ZNF148: variants seen among roughly 807,000 people sequenced by gnomAD.
ZNF148 encodes Beta-Enolase Repressor Factor-1.
In ZNF148, 7 loss-of-function variants were observed where a neutral mutation model predicts 67.7. The ratio of observed to expected loss-of-function variants is 0.10; its 90% CI spans 0.06 to 0.19. The LOEUF is 0.19. ZNF148 is among the 10% of genes least tolerant of loss of function. The pLI is 1.00. For missense variants in ZNF148, 583 were observed against 947.1 expected (o/e 0.62, Z 5.05); for synonymous variants, 333 against 330.7 (o/e 1.01, Z -0.08).
chr3:125,342,667 A>AT (rs1050466791), intron 1 of ZNF148, among the ~76,000 whole-genome samples: 9 of 152,138 alleles, frequency 5.9e-5, no homozygotes, highest in Non-Finnish European at 8.8e-5. Context: ...AAAGAAAATG[A>AT]TTTTTTTAAA....
chr3:125,287,347 G>GA (rs938295306), intron 5 of ZNF148, among the ~76,000 whole-genome samples: 2 of 152,044 alleles, frequency 1.3e-5, no homozygotes, highest in Non-Finnish European at 2.9e-5. Context: ...ATACTAAAGA[G>GA]AAAAAAACAG....
chr3:125,296,233 T>C (rs1417641017), intron 4 of ZNF148, among the ~76,000 whole-genome samples: 1 of 152,030 alleles, frequency 6.6e-6, no homozygotes, highest in Non-Finnish European at 1.5e-5. Flanking sequence ...GCAATTCTCA[T>C]GCCTCAGCCT....
intron 4 of ZNF148, among the ~76,000 whole-genome samples, chr3:125,307,859 G>A (rs553826286): frequency 7.0e-6 from 1 of 142,588 alleles, no homozygotes; most frequent in African/African-American, 2.6e-5. Context: ...CCCATGTTGT[G>A]CAGGCTGGTC....
chr3:125,318,922 G>A (rs771762861), intron 3 of ZNF148, among the ~76,000 whole-genome samples: 39 of 152,028 alleles, frequency 2.6e-4, no homozygotes, highest in Non-Finnish European at 5.1e-4. Flanking sequence ...CCCTCTGCGA[G>A]AGAAACTGTC....
intron 1 of ZNF148, among the ~76,000 whole-genome samples, chr3:125,355,983 C>T (rs1464140471): frequency 6.6e-6 from 1 of 152,094 alleles, no homozygotes; most frequent in African/African-American, 2.4e-5. Flanking sequence ...TTCAAGGAGG[C>T]TAAAAGTGCT....
At chr3:125,344,423 C>G (rs1941860479) in intron 1 of ZNF148, 1 of 764,280 alleles carries the variant, frequency 1.3e-6, no homozygotes, top group Non-Finnish European at 2.3e-6. Context: ...GACCCCATTC[C>G]AAAAAAAAGT....
intron 4 of ZNF148, among the ~76,000 whole-genome samples, chr3:125,308,092 A>G (rs1244691505): frequency 6.6e-6 from 1 of 152,212 alleles, no homozygotes; most frequent in Non-Finnish European, 1.5e-5. Context: ...AAAGAAATAA[A>G]AGAGATACAG....
At chr3:125,299,548 T>C (rs932174337) in intron 4 of ZNF148, among the ~76,000 whole-genome samples, 1 of 152,156 alleles carries the variant, frequency 6.6e-6, no homozygotes, top group African/African-American at 2.4e-5. Flanking sequence ...AAAGAAATCT[T>C]CTACCAACAA....
chr3:125,285,685 T>C (rs1380752687), intron 5 of ZNF148, among the ~76,000 whole-genome samples: 9 of 152,148 alleles, frequency 5.9e-5, no homozygotes, highest in Admixed American at 1.3e-4. Context: ...TGAGCCACTG[T>C]ACCTGGCCTG....
At chr3:125,249,321 CA>C (rs1936735010) in intron 7 of ZNF148, among the ~76,000 whole-genome samples, 1 of 152,040 alleles carries the variant, frequency 6.6e-6, no homozygotes, top group Non-Finnish European at 1.5e-5. Context: ...AACTCAATAG[CA>C]AAAACCTACA....
chr3:125,236,523 A>T (rs1191577837), intron 7 of ZNF148, among the ~76,000 whole-genome samples: 1 of 152,128 alleles, frequency 6.6e-6, no homozygotes, highest in East Asian at 1.9e-4. Context: ...GCCAAGGGGA[A>T]AAAAATGTTG....
intron 4 of ZNF148, among the ~76,000 whole-genome samples, chr3:125,289,910 A>G (rs1938914056): frequency 6.6e-6 from 1 of 152,180 alleles, no homozygotes; most frequent in Non-Finnish European, 1.5e-5. Context: ...TGAACCTGTT[A>G]TTTCCACATA....
intron 1 of ZNF148, among the ~76,000 whole-genome samples, chr3:125,335,187 A>C (rs1027705771): frequency 2.6e-5 from 4 of 152,184 alleles, no homozygotes; most frequent in African/African-American, 9.7e-5. Context: ...ACAAGAGAAG[A>C]AATTTTTGTC....
At chr3:125,278,857 C>A (rs945043252) in intron 6 of ZNF148, among the ~76,000 whole-genome samples, 2 of 152,178 alleles carry the variant, frequency 1.3e-5, no homozygotes, top group South Asian at 2.1e-4. Flanking sequence ...ATAATACATT[C>A]TTTAATCATT....
Position 125,233,096 on chromosome 3 carries a change from G to C in ZNF148, c.1630C>G (p.Leu544Val), listed in dbSNP as rs1935929315. 6.2e-7 allele frequency: 1 copy of C among 1,613,536 alleles called. No homozygotes were observed. Among genetic ancestry groups the C allele is most frequent in the African/African-American group, 1.3e-5 (1 of 74,894 alleles). ...GCTTTGTGGGAATAATGATCCAACA[G>C]AGTCTGCAGTACCTCATCTGGAATA... ...NVIPDEVLQT[L>V]LDHYSHKANG... The change falls in exon 9 of 9, where the codon CTG (leucine) becomes GTG (valine). Residue 544 changes from leucine (L) to valine (V), a missense_variant. Transcript: ENST00000360647. This position sits in a 1 kb window ranked among gnomAD's most constrained non-coding sequence, Gnocchi z 5.1.
At position 125,313,545 on chromosome 3, in the gene ZNF148, C is replaced by T. The variant is rs766807508; in HGVS notation, c.96G>A (p.Val32=). 55 of 1,614,078 alleles carry T rather than the reference C, an allele frequency of 3.4e-5. 1 individual carries two copies. In the East Asian group the frequency reaches 6.9e-4, roughly 20 times the overall value. The part of the protein sequence containing the change: ...SSRTMVVMGG[V]SGQSTVSGEL... ...CTCCAGACACAGTAGACTGGCCAGA[C>T]ACTCCACCCATTACAACCATTGTCC... is the stretch of plus-strand genomic sequence containing the variant. The change falls in exon 4 of 9, where the codon GTG becomes GTA. Residue 32 remains valine, a synonymous_variant. Transcript: ENST00000360647.
chr3:125,342,987 A>C (rs906989776), intron 1 of ZNF148, among the ~76,000 whole-genome samples: 1 of 152,240 alleles, frequency 6.6e-6, no homozygotes, highest in Non-Finnish European at 1.5e-5. Context: ...ATAAGTCAAG[A>C]TGGAATCCTA....
chr3:125,273,262 C>T (rs1937856177), intron 7 of ZNF148, among the ~76,000 whole-genome samples: 1 of 152,084 alleles, frequency 6.6e-6, no homozygotes, highest in African/African-American at 2.4e-5. Context: ...CTATTTAATA[C>T]AGTTGTGAAT....
intron 1 of ZNF148, among the ~76,000 whole-genome samples, chr3:125,366,899 CT>C (rs890262433): frequency 3.9e-5 from 6 of 152,026 alleles, no homozygotes; most frequent in Non-Finnish European, 7.4e-5. Context: ...ACTTTTATGC[CT>C]TTAAAGTTCT....
Sources: gnomAD v4.1 joint callset for allele counts (sites outside exome capture counted in the v4.1 genomes callset) on GRCh38, gnomAD v4.1.1 for gene constraint, Gnocchi (gnomAD v3.1) non-coding constraint, MANE v1.5 for transcripts, NCBI Gene and HGNC (gene_info 2026-07-23, HGNC 2026-07-21) for gene names.